Variants in TNN observed in about 807,000 individuals in gnomAD.
TNN encodes the protein tenascin-N.
TNN carries 122 observed loss-of-function variants against 134.4 expected under a neutral mutation model. That is an observed-to-expected ratio of 0.91 (90% CI 0.78 to 1.06). The LOEUF (loss-of-function observed/expected upper bound fraction) is 1.06, where lower values mean the gene tolerates loss of function less well. TNN is among the 50% of genes least tolerant of loss of function. The pLI is 0.00. For missense variants in TNN, 1,739 were observed against 1,699.4 expected (o/e 1.02, Z -0.41); for synonymous variants, 710 against 670.3 (o/e 1.06, Z -0.91).
rs768660916 is a variant in TNN at position 175,079,358 on chromosome 1, C to T, written c.435C>T (p.His145=). ...ATCTAAGCCGCCACTGCAGCGGCCACGGGACCTTCTCCCTGGAGACCTGCA... is the reference window on the plus strand; with the variant it reads ...ATCTAAGCCGCCACTGCAGCGGCCATGGGACCTTCTCCCTGGAGACCTGCA... ...VTDLSRHCSG[H]GTFSLETCSC... The change falls in exon 3 of 19, where the codon CAC becomes CAT. Residue 145 remains histidine, a synonymous_variant. Coordinates refer to ENST00000239462, the MANE Select transcript of TNN (RefSeq NM_022093.2). 1.9e-6 allele frequency: 3 copies of T among 1,597,788 alleles called. No homozygotes were observed. The highest frequency in any genetic ancestry group is 2.3e-5 in the East Asian group (1 of 44,140).
At chr1:175,077,109 T>C (rs1333997113) in intron 1 of TNN, among the ~76,000 whole-genome samples, 1 of 152,170 alleles carries the variant, frequency 6.6e-6, no homozygotes, top group East Asian at 1.9e-4. Context: ...AGAGAGCTGC[T>C]CTTCTTATTA....
chr1:175,097,735 A>G (rs1299053801), intron 8 of TNN, 52 bp downstream of exon 8: 6 of 1,609,794 alleles, frequency 3.7e-6, no homozygotes, highest in Middle Eastern at 1.7e-4. Context: ...TGTGGATTTG[A>G]ATAGGTATGG....
intron 17 of TNN, among the ~76,000 whole-genome samples, chr1:175,142,527 G>C (rs1014368570): frequency 5.3e-5 from 8 of 152,236 alleles, no homozygotes; most frequent in African/African-American, 1.9e-4. Context: ...ATCATCGGAA[G>C]GGCTTGTCAA....
intron 17 of TNN, among the ~76,000 whole-genome samples, chr1:175,140,675 G>A (rs958127881): frequency 6.6e-6 from 1 of 152,232 alleles, no homozygotes; most frequent in African/African-American, 2.4e-5. Flanking sequence ...GGCCAACAGT[G>A]CCAGCAAGTA....
chr1:175,070,813 G>A (rs1673899376), intron 1 of TNN, among the ~76,000 whole-genome samples: 1 of 152,234 alleles, frequency 6.6e-6, no homozygotes, highest in Non-Finnish European at 1.5e-5. Flanking sequence ...GGTGAGTTGA[G>A]CCAGGGTAGA....
intron 16 of TNN, 89 bp downstream of exon 16, chr1:175,136,030 C>T: frequency 1.1e-6 from 1 of 935,280 alleles, no homozygotes; most frequent in Non-Finnish European, 1.7e-6. Context: ...AGCTCACCAC[C>T]TTCACAGAGA....
chr1:175,085,630 T>G (rs1674307004), intron 6 of TNN, 136 bp downstream of exon 6: 1 of 666,270 alleles, frequency 1.5e-6, no homozygotes, highest in African/African-American at 1.8e-5. Context: ...ATCCCAGCAC[T>G]TTGGGAGGCC....
chr1:175,119,267 C>T (rs751000343), intron 11 of TNN, among the ~76,000 whole-genome samples: 1 of 152,210 alleles, frequency 6.6e-6, no homozygotes, highest in Admixed American at 6.5e-5. Flanking sequence ...CATACCTCCC[C>T]TTTTTAGACC....
Position 175,144,673 on chromosome 1 carries a change from G to A in TNN, c.3759+123G>A, listed in dbSNP as rs182878927. 91 of 1,084,542 alleles carry A rather than the reference G, an allele frequency of 8.4e-5. 1 individual carries two copies. The Admixed American group carries it at 9.3e-4, about 11-fold the overall frequency. The allele number at this position is 1,084,542 out of a possible 1,614,324, so 67.2% of individuals were successfully genotyped here. On this transcript the variant is annotated intron_variant, in intron 18 of 18. Transcript: ENST00000239462. ...TGAAGCTTCCAGTCAAAGCAGTAGA[G>A]CTTCTCCTCCAGGCTCCATGGCCTT...
intron 4 of TNN, among the ~76,000 whole-genome samples, chr1:175,083,261 C>T (rs1390439047): frequency 6.6e-6 from 1 of 152,188 alleles, no homozygotes; most frequent in African/African-American, 2.4e-5. Flanking sequence ...GAGGAAGGAG[C>T]TTGTTGGATT....
At position 175,077,821 on chromosome 1, in the gene TNN, G is replaced by C. The variant is rs1385614673; in HGVS notation, c.403G>C (p.Val135Leu). 4.3e-6 allele frequency: 7 copies of C among 1,609,584 alleles called. No individual in the cohort carries two copies. Among genetic ancestry groups the C allele is most frequent in the African/African-American group, 1.3e-5 (1 of 74,972 alleles). Reference sequence around the variant, plus strand: ...TAGTGCCCAGCGCTGCTGCCAGGGAGTCACTGGTGAGCTCACCACCTGGTA... The same window carrying C: ...TAGTGCCCAGCGCTGCTGCCAGGGACTCACTGGTGAGCTCACCACCTGGTA... ...QCSAQRCCQG[V>L]TDLSRHCSGH... The change falls in exon 2 of 19, where the codon GTC becomes CTC. Residue 135 changes from valine to leucine, a missense_variant. By Grantham distance (32) the Val-to-Leu change is conservative. Coordinates refer to ENST00000239462, the MANE Select transcript of TNN (RefSeq NM_022093.2).
At chr1:175,137,391 T>A (rs1308909357) in intron 17 of TNN, among the ~76,000 whole-genome samples, 1 of 70,108 alleles carries the variant, frequency 1.4e-5, no homozygotes, top group African/African-American at 4.4e-5. Context: ...TGTGTGTGTG[T>A]GATTATTTGA....
Position 175,076,281 on chromosome 1 carries a change from G to A in TNN, c.-35-1103G>A, listed in dbSNP as rs138154004. On this transcript the variant is annotated intron_variant, in intron 1 of 18. Coordinates refer to ENST00000239462, the MANE Select transcript of TNN (RefSeq NM_022093.2). ...CTAACCACCTGCCCCATCTCAGGTCGCCTGGCTTGACTGACAAACCAGGCC... is the reference window on the plus strand; with the variant it reads ...CTAACCACCTGCCCCATCTCAGGTCACCTGGCTTGACTGACAAACCAGGCC... Among the ~76,000 whole-genome samples, 169 of 152,246 alleles carry A rather than the reference G, an allele frequency of 1.1e-3. 1 individual carries two copies. Among genetic ancestry groups the A allele is most frequent in the African/African-American group, 3.9e-3 (163 of 41,542 alleles).
rs767099643 is a variant in TNN at position 175,077,646 on chromosome 1, G to A, written c.228G>A (p.Gly76=). The change falls in exon 2 of 19, where the codon GGG becomes GGA. Residue 76 remains glycine (G), a synonymous_variant. Coordinates refer to ENST00000239462, the MANE Select transcript of TNN (RefSeq NM_022093.2). ...SDDGASLLAL[G]EAREEQNIIF... ...ATGGGGCTTCGCTCTTGGCCCTGGG[G>A]GAGGCCAGGGAGGAACAGAACATCA... The A allele has an allele frequency of 3.6e-5, 58 of 1,614,062 alleles. No homozygotes were observed. The highest frequency in any genetic ancestry group is 4.8e-5 in the Non-Finnish European group (57 of 1,180,020).
In TNN at chr1:175,097,646, C is replaced by T. The variant is rs141900758; in HGVS notation, c.1818C>T (p.Asp606=). Residue 606 remains aspartate (D), a synonymous_variant, in exon 8 of 19, where the codon GAC becomes GAT. Coordinates refer to ENST00000239462, the MANE Select transcript of TNN (RefSeq NM_022093.2). ...TGCATGTCTGGGCCCAGAAGGGGGA[C>T]CGAGAGAGCAAGAAGGCTGACACCA... ...YTVHVWAQKG[D]RESKKADTNA... is the part of the protein sequence containing the mutation. 31 of 1,614,042 alleles carry T rather than the reference C, an allele frequency of 1.9e-5. No homozygotes were observed. The highest frequency in any genetic ancestry group is 1.7e-4 in the African/African-American group (13 of 74,994).
In TNN at chr1:175,109,249, C is replaced by T. The variant is rs28800524; in HGVS notation, c.2120-7690C>T. On this transcript the variant is annotated intron_variant, in intron 9 of 18. Coordinates refer to ENST00000239462, the MANE Select transcript of TNN (RefSeq NM_022093.2). ...GACTACAGGCGCCCGCCACCGCGCC[C>T]GGCTAATTTTTTGTATTTTTAGTAG... 2.9e-3 allele frequency among the ~76,000 whole-genome samples: 426 copies of T among 147,140 alleles called. 8 individuals carry two copies. The East Asian group carries it at 0.045, about 16-fold the overall frequency.
At chr1:175,102,887 C>G (rs1433517266) in intron 9 of TNN, among the ~76,000 whole-genome samples, 2 of 146,112 alleles carry the variant, frequency 1.4e-5, no homozygotes, top group African/African-American at 4.9e-5. Context: ...AAACAGGACA[C>G]CCCAACTGCT....
intron 16 of TNN, among the ~76,000 whole-genome samples, chr1:175,136,188 G>A (rs1307662883): frequency 6.6e-6 from 1 of 152,160 alleles, no homozygotes; most frequent in Non-Finnish European, 1.5e-5. Context: ...GGATCTGCCT[G>A]CAGCCTGAAG....
intron 13 of TNN, 82 bp downstream of exon 13, chr1:175,127,167 G>T: frequency 6.6e-7 from 1 of 1,523,020 alleles, no homozygotes. Context: ...CTCATTTGCT[G>T]GCCTCACGGC....
Sources: gnomAD v4.1 joint callset for allele counts (sites outside exome capture counted in the v4.1 genomes callset) on GRCh38, gnomAD v4.1.1 for gene constraint, MANE v1.5 for transcripts, NCBI Gene and HGNC (gene_info 2026-07-23, HGNC 2026-07-21) for gene names.